CSF2RA: variants seen among roughly 807,000 people sequenced by gnomAD.
CSF2RA encodes granulocyte-macrophage colony-stimulating factor receptor subunit alpha.
Under a neutral mutation model 51.6 loss-of-function variants are expected in CSF2RA, and 42 were observed. The ratio of observed to expected loss-of-function variants is 0.81; its 90% CI spans 0.64 to 1.05. The LOEUF (loss-of-function observed/expected upper bound fraction) is 1.05, where lower values mean the gene tolerates loss of function less well. CSF2RA is among the 50% of genes least tolerant of loss of function. CSF2RA has a pLI of 0.00. For missense variants in CSF2RA, 530 were observed against 501.1 expected, an observed-to-expected ratio of 1.06 and a Z score of -0.55; for synonymous variants, 222 against 193.0, an observed-to-expected ratio of 1.15 and a Z score of -1.24.
the CSF2RA span, among the ~76,000 whole-genome samples, chrX:1,324,282 TC>T: frequency 4.1e-5 from 6 of 144,858 alleles, no homozygotes; most frequent in African/African-American, 1.5e-4. Flanking sequence ...TCACTTGAGG[TC>T]AGGAGTTAGA....
At chrX:1,296,065 C>A (rs1323183550) in intron 9 of CSF2RA, among the ~76,000 whole-genome samples, 1 of 151,088 alleles carries the variant, frequency 6.6e-6, no homozygotes, top group Non-Finnish European at 1.5e-5. Context: ...ATACAGTCCC[C>A]TACCCATGAG....
At chrX:1,308,014 C>T (rs771570404) in intron 12 of CSF2RA, among the ~76,000 whole-genome samples, 20 of 147,916 alleles carry the variant, frequency 1.4e-4, no homozygotes, top group African/African-American at 4.7e-4. Flanking sequence ...TTTAGACCTT[C>T]AACTGATTAG....
intron 2 of CSF2RA, chrX:1,282,211 G>GAA (rs113681196): frequency 4.7e-4 from 81 of 170,792 alleles, no homozygotes; most frequent in South Asian, 2.7e-3. Context: ...TCTCAAAAAA[G>GAA]AAAAAAAAAG....
intron 10 of CSF2RA, among the ~76,000 whole-genome samples, chrX:1,302,023 T>A (rs1336805914): frequency 6.6e-6 from 1 of 150,938 alleles, no homozygotes; most frequent in African/African-American, 2.4e-5. Context: ...TTCAAGCAAT[T>A]CTCCAGCCTC....
intron 7 of CSF2RA, among the ~76,000 whole-genome samples, chrX:1,291,351 TTCCC>T (rs1341423631): frequency 1.4e-5 from 2 of 138,262 alleles, no homozygotes; most frequent in Non-Finnish European, 3.1e-5. Flanking sequence ...CCCTTCTTCC[TTCCC>T]TCCCTCCCTC....
At chrX:1,282,861 G>A (rs1346711480) in intron 3 of CSF2RA, 82 bp downstream of exon 3, 18 of 1,181,950 alleles carry the variant, frequency 1.5e-5, no homozygotes, top group South Asian at 6.0e-5. Flanking sequence ...GGATACCTGG[G>A]TCCATCTGCA....
Position 1,288,637 on chromosome X carries a change from A to C in CSF2RA, c.338A>C (p.Asn113Thr). ...RGFQQKLLYP[N>T]SGREGTAAQN... ...TTTCAACAGAAACTGCTTTATCCAA[A>C]TTCAGGTAAGCAAGACAGCTCAGGG... Residue 113 changes from asparagine to threonine, a missense_variant, in exon 5 of 13, where the codon AAT (asparagine) becomes ACT (threonine). Coordinates refer to ENST00000381529, the MANE Select transcript of CSF2RA (RefSeq NM_172245.4). The C allele has an allele frequency of 6.2e-7, 1 of 1,613,956 alleles. No homozygotes were observed. The highest frequency in any genetic ancestry group is 8.5e-7 in the Non-Finnish European group (1 of 1,179,868).
At chrX:1,282,300 A>G (rs1485409998) in intron 2 of CSF2RA, 2 of 243,770 alleles carry the variant, frequency 8.2e-6, no homozygotes, top group Non-Finnish European at 1.6e-5. Flanking sequence ...CAAATCCACT[A>G]ATTATTAACA....
chrX:1,322,266 C>T, the CSF2RA span, among the ~76,000 whole-genome samples: 7 of 109,034 alleles, frequency 6.4e-5, no homozygotes, highest in African/African-American at 1.9e-4. Context: ...CCACGTCACC[C>T]GGCTATTTTT....
At position 1,309,758 on chromosome X, in the gene CSF2RA, G is replaced by A. The variant is rs2084059456; in HGVS notation, c.*279G>A. The A allele has an allele frequency of 1.5e-6, 1 of 679,574 alleles. No homozygotes were observed. Among genetic ancestry groups the A allele is most frequent in the East Asian group, 2.7e-5 (1 of 36,924 alleles). 42.1% of individuals were successfully genotyped at this position (679,574 alleles called of 1,614,324 possible). A position where few individuals can be genotyped will look rare whatever the true frequency, so the allele number is the denominator to read the frequency against. On this transcript the variant is annotated 3_prime_UTR_variant, in exon 13 of 13. Transcript: ENST00000381529. ...AGAAATTTACCCAGGCACGGCGGCG[G>A]ACGCCCATCATCCCAGCTACTTGGG...
At chrX:1,315,055 C>G (rs2084515706), downstream of CSF2RA, among the ~76,000 whole-genome samples, 1 of 152,102 alleles carries the variant, frequency 6.6e-6, no homozygotes. Flanking sequence ...TGCAGACATT[C>G]AATCCTTTGC....
downstream of CSF2RA, among the ~76,000 whole-genome samples, chrX:1,315,143 C>G (rs116862542): frequency 0.025 from 3,807 of 152,136 alleles, 161 homozygotes; most frequent in African/African-American, 0.087. Flanking sequence ...TCATCGGTCA[C>G]CTGCGTGAGA....
At chrX:1,285,562 G>GT in intron 3 of CSF2RA, 1 of 621,446 alleles carries the variant, frequency 1.6e-6, no homozygotes, top group Non-Finnish European at 2.8e-6. Flanking sequence ...GGGCATGGTG[G>GT]TCGGCGCCTG....
chrX:1,308,068 C>T (rs1165362321), intron 12 of CSF2RA, among the ~76,000 whole-genome samples: 1 of 152,062 alleles, frequency 6.6e-6, no homozygotes, highest in African/African-American at 2.4e-5. Flanking sequence ...TTAGATGAGG[C>T]CCACCCCCTT....
chrX:1,299,859 G>A (rs184392059), intron 9 of CSF2RA, among the ~76,000 whole-genome samples: 13 of 151,374 alleles, frequency 8.6e-5, no homozygotes, highest in South Asian at 8.4e-4. Flanking sequence ...CGGAGGTTGC[G>A]GTGAGCCCAG....
chrX:1,296,015 C>T lies in CSF2RA; in HGVS notation c.810+559C>T, dbSNP rs1274923743. 3.5e-4 allele frequency among the ~76,000 whole-genome samples: 53 copies of T among 150,380 alleles called. 1 individual carries two copies. Among genetic ancestry groups the T allele is most frequent in the Non-Finnish European group, 6.5e-4 (44 of 67,442 alleles). On this transcript the variant is annotated intron_variant, in intron 9 of 12. Transcript: ENST00000381529. Reference sequence around the variant, plus strand: ...GAGTAATCCTACAGTCTCCTACTCACGACGCCTACAGTTCCCTATTCATGA... The same window carrying T: ...GAGTAATCCTACAGTCTCCTACTCATGACGCCTACAGTTCCCTATTCATGA...
chrX:1,276,396 C>T (rs1203073587), intron 2 of CSF2RA, among the ~76,000 whole-genome samples: 10 of 145,990 alleles, frequency 6.8e-5, no homozygotes, highest in Non-Finnish European at 4.5e-5. Context: ...TTTTTGGAGA[C>T]GGAGTCTTGC....
At chrX:1,280,009 C>T (rs1357646295) in intron 2 of CSF2RA, among the ~76,000 whole-genome samples, 13 of 151,898 alleles carry the variant, frequency 8.6e-5, no homozygotes, top group African/African-American at 2.9e-4. Context: ...AAGCTGGTCC[C>T]GAACTCCTGA....
intron 1 of CSF2RA, among the ~76,000 whole-genome samples, chrX:1,272,369 T>G (rs2088545264): frequency 7.7e-6 from 1 of 130,336 alleles, no homozygotes; most frequent in Admixed American, 8.7e-5. Context: ...GATAGGGGAT[T>G]GGATCCTGGT....
Sources: allele counts gnomAD v4.1 joint callset (sites outside exome capture counted in the v4.1 genomes callset), GRCh38; gene constraint gnomAD v4.1.1; transcripts MANE v1.5; gene names NCBI Gene and HGNC (gene_info 2026-07-23, HGNC 2026-07-21).